The following SNUPN variants were observed in gnomAD, a reference collection of about 807,000 sequenced individuals.
The protein encoded by SNUPN is snurportin 1, also known as snurportin-1.
A neutral mutation model predicts 39.2 loss-of-function variants in SNUPN; 31 were observed. That is an observed-to-expected ratio of 0.79 (90% CI 0.59 to 1.07). SNUPN has a LOEUF of 1.07. Ranked by LOEUF, SNUPN falls within the 50% of genes least tolerant of loss-of-function variation. SNUPN has a pLI of 0.00. For missense variants in SNUPN, 382 were observed against 434.2 expected (o/e 0.88, Z 1.07); for synonymous variants, 132 against 159.0 (o/e 0.83, Z 1.28).
At chr15:75,601,034 T>A in intron 8 of SNUPN, 104 bp downstream of exon 8, 2 of 877,004 alleles carry the variant, frequency 2.3e-6, no homozygotes, top group East Asian at 2.6e-5. Context: ...CCCATTCTGA[T>A]GCTTTGACAC....
chr15:75,598,309 C>G lies in SNUPN; in HGVS notation c.*49G>C. The G allele has an allele frequency of 6.7e-7, 1 of 1,491,188 alleles. No homozygotes were observed. Among genetic ancestry groups the G allele is most frequent in the African/African-American group, 1.4e-5 (1 of 71,872 alleles). The allele number at this position is 1,491,188 out of a possible 1,614,324, so 92.4% of individuals were successfully genotyped here. ...GTCACTGTCCTCCTCTCCAGGATTC[C>G]TTTTGGGGCCAGGTACCATCCTGTG... On this transcript the variant is annotated 3_prime_UTR_variant, in exon 9 of 9. Coordinates refer to ENST00000308588, the MANE Select transcript of SNUPN (RefSeq NM_005701.4).
intron 3 of SNUPN, among the ~76,000 whole-genome samples, chr15:75,615,187 G>A (rs1159918496): frequency 1.3e-5 from 2 of 152,056 alleles, no homozygotes; most frequent in Non-Finnish European, 2.9e-5. Context: ...ATCACACCTG[G>A]CTAATTTTTG....
intron 1 of SNUPN, among the ~76,000 whole-genome samples, chr15:75,623,865 G>A (rs957741585): frequency 1.3e-5 from 2 of 151,680 alleles, no homozygotes; most frequent in African/African-American, 4.8e-5. Flanking sequence ...ATAATGGTAT[G>A]TATGCTATTG....
At position 75,601,237 on chromosome 15, in the gene SNUPN, C is replaced by A. The variant is rs760393627; in HGVS notation, c.679-19G>T. The A allele has an allele frequency of 1.3e-6, 2 of 1,549,178 alleles. No homozygotes were observed. Among genetic ancestry groups the A allele is most frequent in the Middle Eastern group, 1.7e-4 (1 of 5,950 alleles). ...ATTTAAACTGAAATAGAAATTAGAA[C>A]AAGGAATTAGTACGTTATAAATGAT... On this transcript the variant is annotated intron_variant, in intron 7 of 8. Transcript: ENST00000308588.
intron 7 of SNUPN, among the ~76,000 whole-genome samples, chr15:75,601,610 G>A (rs897841058): frequency 1.3e-5 from 2 of 151,714 alleles, no homozygotes; most frequent in Non-Finnish European, 2.9e-5. Context: ...CTCTGTCAAA[G>A]AAGAAAAACT....
chr15:75,618,606 C>A (rs2141376686), intron 2 of SNUPN, among the ~76,000 whole-genome samples: 2 of 152,252 alleles, frequency 1.3e-5, no homozygotes, highest in South Asian at 2.1e-4. Context: ...CATTTGATTT[C>A]TTCAATGCTA....
chr15:75,606,977 A>G (rs988671451), intron 6 of SNUPN, among the ~76,000 whole-genome samples: 1 of 152,108 alleles, frequency 6.6e-6, no homozygotes, highest in Non-Finnish European at 1.5e-5. Flanking sequence ...CACCCCTGCC[A>G]TTTCTTTCTT....
rs2075255613 is a variant in SNUPN at position 75,598,112 on chromosome 15, T to C, written c.*246A>G. The C allele has an allele frequency of 4.7e-6, 2 of 427,560 alleles. No individual in the cohort carries two copies. Among genetic ancestry groups the C allele is most frequent in the Non-Finnish European group, 8.3e-6 (2 of 240,836 alleles). 26.5% of individuals were successfully genotyped at this position (427,560 alleles called of 1,614,324 possible). A position where few individuals can be genotyped will look rare whatever the true frequency, so the allele number is the denominator to read the frequency against. ...TTCTTACAAATCACATATATTTACA[T>C]TGTGGATCTGGGATACACTTATCAC... On this transcript the variant is annotated 3_prime_UTR_variant, in exon 9 of 9. Transcript: ENST00000308588.
At position 75,617,499 on chromosome 15, in the gene SNUPN, G is replaced by C; in HGVS notation, c.212C>G (p.Thr71Arg). The stretch of plus-strand genomic sequence containing the variant: ...ATTTTCTTCCTCACTCTCCATCCCT[G>C]TCCAGTCATCTTCAGCCAGTCTTCT... ...HARRLAEDDW[T>R]GMESEEENKK... Residue 71 changes from threonine (T) to arginine (R), a missense_variant, in exon 3 of 9, where the codon ACA (threonine) becomes AGA (arginine). Coordinates refer to ENST00000308588, the MANE Select transcript of SNUPN (RefSeq NM_005701.4). The C allele has an allele frequency of 1.2e-6, 2 of 1,613,192 alleles. No homozygotes were observed. The highest frequency in any genetic ancestry group is 1.7e-6 in the Non-Finnish European group (2 of 1,179,912).
At chr15:75,618,748 G>A (rs879317117) in intron 2 of SNUPN, among the ~76,000 whole-genome samples, 8 of 151,970 alleles carry the variant, frequency 5.3e-5, no homozygotes, top group Non-Finnish European at 1.0e-4. Flanking sequence ...CTTTTATCTC[G>A]AGAATAAAAG....
intron 6 of SNUPN, 49 bp from the exon 7 acceptor site, chr15:75,605,276 C>A: frequency 7.6e-7 from 1 of 1,311,362 alleles, no homozygotes; most frequent in Non-Finnish European, 1.1e-6. Flanking sequence ...CCATTTCAAA[C>A]TCTAATATAA....
rs546017201 is a variant in SNUPN, at chr15:75,598,143, G to T, written c.*215C>A. On this transcript the variant is annotated 3_prime_UTR_variant, in exon 9 of 9. Coordinates refer to ENST00000308588, the MANE Select transcript of SNUPN (RefSeq NM_005701.4). Reference sequence around the variant, plus strand: ...ATCTGGGATACACTTATCACAGTAGGAGCTGCTCAAATCAATCTGAATGCT... The same window carrying T: ...ATCTGGGATACACTTATCACAGTAGTAGCTGCTCAAATCAATCTGAATGCT... The T allele has an allele frequency of 8.2e-5, 44 of 537,078 alleles. No individual in the cohort carries two copies. The highest frequency in any genetic ancestry group is 7.0e-4 in the African/African-American group (37 of 53,126). 33.3% of individuals were successfully genotyped at this position (537,078 alleles called of 1,614,324 possible). A position where few individuals can be genotyped will look rare whatever the true frequency, so the allele number is the denominator to read the frequency against.
Position 75,609,558 on chromosome 15 carries a change from C to G in SNUPN, c.502G>C (p.Asp168His), listed in dbSNP as rs148983993. Residue 168 changes from aspartate to histidine, a missense_variant and splice_region_variant, in exon 5 of 9, where the codon GAC (aspartate) becomes CAC (histidine). Asp to His is a moderately conservative substitution (Grantham distance 81). Coordinates refer to ENST00000308588, the MANE Select transcript of SNUPN (RefSeq NM_005701.4). ...GGNRRNSTAK[D>H]YTILDCIYNE... ...ATAAGTAGACACTCTATGTAGGTAC[C>G]TTTTGCTGTTGAGTTTCGCCTGTTG... 8,605 of 1,611,310 alleles carry G rather than the reference C, an allele frequency of 5.3e-3. 29 individuals carry two copies. The highest frequency in any genetic ancestry group is 6.8e-3 in the Non-Finnish European group (8,023 of 1,177,408).
Position 75,602,157 on chromosome 15 carries a change from G to A in SNUPN, c.679-939C>T, listed in dbSNP as rs571805456. 9.2e-5 allele frequency among the ~76,000 whole-genome samples: 14 copies of A among 151,440 alleles called. No homozygotes were observed. The South Asian group carries it at 1.3e-3, about 14-fold the overall frequency. ...CGGGAGGCGGAGCTTGCAGTGGGCCGAGATTGTGCCACTGCACTCCAACCT... is the reference window on the plus strand; with the variant it reads ...CGGGAGGCGGAGCTTGCAGTGGGCCAAGATTGTGCCACTGCACTCCAACCT... On this transcript the variant is annotated intron_variant, in intron 7 of 8. Transcript: ENST00000308588.
intron 4 of SNUPN, 79 bp downstream of exon 4, chr15:75,609,811 G>T: frequency 7.9e-7 from 1 of 1,273,768 alleles, no homozygotes; most frequent in Non-Finnish European, 1.1e-6. Flanking sequence ...CTGTTGTGGC[G>T]TATGAGGAAA....
chr15:75,598,582 C>T lies in SNUPN; in HGVS notation c.859G>A (p.Gly287Ser), dbSNP rs1471453916. The T allele has an allele frequency of 1.5e-5, 24 of 1,614,206 alleles. No individual in the cohort carries two copies. Among genetic ancestry groups the T allele is most frequent in the Non-Finnish European group, 1.9e-5 (23 of 1,180,046 alleles). Residue 287 changes from glycine (G) to serine (S), a missense_variant, in exon 9 of 9, where the codon GGT becomes AGT. Gly to Ser is a moderately conservative substitution (Grantham distance 56, BLOSUM62 0). Coordinates refer to ENST00000308588, the MANE Select transcript of SNUPN (RefSeq NM_005701.4). Reference sequence around the variant, plus strand: ...AGCGGGCCAGCCGGCACAGCTACACCAAGGACATCTGACACCATGTAGGGG... The same window carrying T: ...AGCGGGCCAGCCGGCACAGCTACACTAAGGACATCTGACACCATGTAGGGG... ...LRPYMVSDVL[G>S]VAVPAGPLTT...
In SNUPN at chr15:75,598,172, C is replaced by T. The variant is rs562051269; in HGVS notation, c.*186G>A. 1.4e-5 allele frequency: 8 copies of T among 568,604 alleles called. No homozygotes were observed. The East Asian group carries it at 2.0e-4, about 14-fold the overall frequency. The allele number at this position is 568,604 out of a possible 1,614,324, so 35.2% of individuals were successfully genotyped here. A position where few individuals can be genotyped will look rare whatever the true frequency, so the allele number is the denominator to read the frequency against. ...TGCTCAAATCAATCTGAATGCTACG[C>T]AATCTGGGAACCTCCCCATAACTGT... On this transcript the variant is annotated 3_prime_UTR_variant, in exon 9 of 9. Coordinates refer to ENST00000308588, the MANE Select transcript of SNUPN (RefSeq NM_005701.4).
chr15:75,615,594 A>ATTTTTTTT (rs141302808), intron 3 of SNUPN, among the ~76,000 whole-genome samples: 8 of 73,970 alleles, frequency 1.1e-4, no homozygotes, highest in East Asian at 4.4e-4. Context: ...AAGGAATCTC[A>ATTTTTTTT]TTTTTTTTTT....
chr15:75,608,837 G>A (rs574469591), intron 5 of SNUPN, among the ~76,000 whole-genome samples: 19 of 152,258 alleles, frequency 1.2e-4, no homozygotes, highest in Non-Finnish European at 2.4e-4. Context: ...TCTACATGCA[G>A]TTTCAAAGAT....
Sources: gnomAD v4.1 joint callset for allele counts (sites outside exome capture counted in the v4.1 genomes callset) on GRCh38, gnomAD v4.1.1 for gene constraint, MANE v1.5 for transcripts, NCBI Gene and HGNC (gene_info 2026-07-23, HGNC 2026-07-21) for gene names.